The following CNBD1 variants were observed in gnomAD, a reference collection of about 807,000 sequenced individuals.
The protein encoded by CNBD1 is cyclic nucleotide binding domain containing 1.
Under a neutral mutation model 54.4 loss-of-function variants are expected in CNBD1, and 71 were observed. The observed-to-expected ratio is 1.30, with a 90% CI of 1.08 to 1.59. CNBD1 has a LOEUF of 1.59. Ranked by LOEUF, CNBD1 falls within the 40% of genes most tolerant of loss-of-function variation. CNBD1 has a pLI of 0.00. For synonymous variants in CNBD1, 182 were observed against 170.7 expected (o/e 1.07, Z -0.51); for missense variants, 659 against 518.0 (o/e 1.27, Z -2.64).
chr8:87,331,225 C>T (rs570347010), intron 8 of CNBD1, among the ~76,000 whole-genome samples: 18 of 152,212 alleles, frequency 1.2e-4, no homozygotes, highest in Non-Finnish European at 2.5e-4. Flanking sequence ...TTGCACCCCG[C>T]TGACAGGTCC....
At chr8:87,223,480 G>T (rs1221545800) in intron 5 of CNBD1, among the ~76,000 whole-genome samples, 8 of 150,194 alleles carry the variant, frequency 5.3e-5, no homozygotes, top group Non-Finnish European at 4.4e-5. Flanking sequence ...CTATGAGTGA[G>T]AATATGCAGT....
intron 6 of CNBD1, among the ~76,000 whole-genome samples, chr8:87,263,922 CTTA>C (rs1274581665): frequency 3.9e-5 from 6 of 152,112 alleles, no homozygotes; most frequent in East Asian, 3.9e-4. Context: ...AATATCAAAT[CTTA>C]TTATACTCTT....
chr8:87,138,533 C>T (rs1399337398), intron 4 of CNBD1, among the ~76,000 whole-genome samples: 1 of 152,226 alleles, frequency 6.6e-6, no homozygotes, highest in African/African-American at 2.4e-5. Flanking sequence ...ACGCAGTGGT[C>T]TTTATCTGCT....
At chr8:86,888,984 G>C (rs1292342304) in intron 2 of CNBD1, among the ~76,000 whole-genome samples, 4 of 152,006 alleles carry the variant, frequency 2.6e-5, no homozygotes, top group Non-Finnish European at 4.4e-5. Flanking sequence ...CATTCCTCTT[G>C]GGTGGTGTCG....
At chr8:87,239,895 T>TA (rs1208216923) in intron 6 of CNBD1, among the ~76,000 whole-genome samples, 11 of 151,754 alleles carry the variant, frequency 7.2e-5, no homozygotes, top group African/African-American at 2.7e-4. Flanking sequence ...AGGAAAGAGA[T>TA]AAAAAATTAC....
chr8:87,192,995 C>T (rs781047419), intron 4 of CNBD1, among the ~76,000 whole-genome samples: 2 of 152,114 alleles, frequency 1.3e-5, no homozygotes, highest in Non-Finnish European at 2.9e-5. Flanking sequence ...AATCGCTTCT[C>T]TATTTGACTT....
intron 8 of CNBD1, among the ~76,000 whole-genome samples, chr8:87,289,412 C>T (rs1239999457): frequency 6.6e-6 from 1 of 152,030 alleles, no homozygotes; most frequent in East Asian, 1.9e-4. Flanking sequence ...AAAGTCTTCC[C>T]AGTTGTTATT....
chr8:87,359,616 T>A lies in CNBD1; in HGVS notation c.1303+5830T>A, dbSNP rs532729010. ...AACAATGATATTAATTTGCATTTAA[T>A]CTGCTATATCCTATCTCCATCTACT... On this transcript the variant is annotated intron_variant, in intron 10 of 10. Transcript: ENST00000518476. Among the ~76,000 whole-genome samples the A allele has an allele frequency of 3.9e-5, 6 of 152,256 alleles. No homozygotes were observed. In the East Asian group the frequency reaches 1.2e-3, roughly 29 times the overall value.
intron 4 of CNBD1, among the ~76,000 whole-genome samples, chr8:87,075,271 ATGCAGTTCTTTATT>A (rs1810846284): frequency 1.3e-5 from 2 of 152,208 alleles, no homozygotes; most frequent in Non-Finnish European, 2.9e-5. Context: ...TAGGATGCCC[ATGCAGTTCTTTATT>A]GAACTGCTTG....
intron 4 of CNBD1, among the ~76,000 whole-genome samples, chr8:87,037,700 T>C (rs1809979497): frequency 6.6e-6 from 1 of 152,226 alleles, no homozygotes; most frequent in South Asian, 2.1e-4. Context: ...TTTTGGTTTT[T>C]TTGGGCTACT....
chr8:87,112,951 A>G (rs773581667), intron 4 of CNBD1, among the ~76,000 whole-genome samples: 3 of 152,172 alleles, frequency 2.0e-5, no homozygotes, highest in Non-Finnish European at 2.9e-5. Flanking sequence ...GAAGTAAGGG[A>G]AGATCAGGAT....
At chr8:87,184,315 G>A (rs1813428324) in intron 4 of CNBD1, among the ~76,000 whole-genome samples, 1 of 152,202 alleles carries the variant, frequency 6.6e-6, no homozygotes, top group African/African-American at 2.4e-5. Context: ...GACCTTGGAA[G>A]ACACCAGCAG....
At chr8:87,407,611 A>G (rs1457186034) in intron 2 of CNBD1, among the ~76,000 whole-genome samples, 2 of 151,998 alleles carry the variant, frequency 1.3e-5, no homozygotes, top group Non-Finnish European at 2.9e-5. Flanking sequence ...TTTCACTTCA[A>G]CCATCTGTTT....
At chr8:86,982,824 G>A (rs1344681231) in intron 4 of CNBD1, among the ~76,000 whole-genome samples, 1 of 152,108 alleles carries the variant, frequency 6.6e-6, no homozygotes, top group Admixed American at 6.5e-5. Context: ...TACACAACAA[G>A]CCTGCTGAGG....
rs545288302 is a variant in CNBD1 at position 87,337,252 on chromosome 8, G to A, written c.1043-14433G>A. On this transcript the variant is annotated intron_variant, in intron 8 of 10. Transcript: ENST00000518476. ...TGGTGGAGGGTGTTTGCTGTGCTGG[G>A]GGGAAACACACTCATCTGGGCTGCC... 9.4e-4 allele frequency among the ~76,000 whole-genome samples: 143 copies of A among 152,238 alleles called. 1 individual carries two copies. The highest frequency in any genetic ancestry group is 1.3e-3 in the Non-Finnish European group (87 of 68,016).
chr8:86,903,990 C>T (rs1808978198), intron 2 of CNBD1, among the ~76,000 whole-genome samples: 1 of 151,736 alleles, frequency 6.6e-6, no homozygotes, highest in South Asian at 2.1e-4. Flanking sequence ...TAGAAAATTA[C>T]ATCATATTGT....
intron 3 of CNBD1, among the ~76,000 whole-genome samples, chr8:86,922,672 A>T (rs1412612438): frequency 1.2e-4 from 18 of 152,172 alleles, no homozygotes; most frequent in Admixed American, 1.2e-3. Context: ...AAATCCACTT[A>T]TGATGATAAC....
chr8:87,387,472 C>A (rs1309166335), downstream of CNBD1, among the ~76,000 whole-genome samples: 1 of 152,106 alleles, frequency 6.6e-6, no homozygotes, highest in Non-Finnish European at 1.5e-5. Context: ...TCTGATAAAA[C>A]AGACTTTAAA....
intron 4 of CNBD1, among the ~76,000 whole-genome samples, chr8:87,152,099 G>A (rs1422803759): frequency 6.6e-6 from 1 of 151,996 alleles, no homozygotes. Context: ...AAAATTGAAA[G>A]TGTTTAATGT....
Sources: allele counts gnomAD v4.1 joint callset (sites outside exome capture counted in the v4.1 genomes callset), GRCh38; gene constraint gnomAD v4.1.1; transcripts MANE v1.5; gene names NCBI Gene and HGNC (gene_info 2026-07-23, HGNC 2026-07-21).